Variants in ETF1 observed in about 807,000 individuals in gnomAD.
ETF1 encodes the protein eukaryotic translation termination factor 1.
In ETF1, 4 loss-of-function variants were observed where a neutral mutation model predicts 55.1. The ratio of observed to expected loss-of-function variants is 0.07; its 90% CI spans 0.04 to 0.17. ETF1 has a LOEUF of 0.17. ETF1 is among the 10% of genes least tolerant of loss of function. The pLI is 1.00. For missense variants in ETF1, 142 were observed against 523.6 expected, an observed-to-expected ratio of 0.27 and a Z score of 7.11; for synonymous variants, 157 against 182.3, an observed-to-expected ratio of 0.86 and a Z score of 1.12.
intron 4 of ETF1, among the ~76,000 whole-genome samples, chr5:138,514,439 C>T (rs1006773256): frequency 3.9e-5 from 6 of 152,172 alleles, no homozygotes. Flanking sequence ...CCTGTAGTCC[C>T]TACCAGCTAC....
chr5:138,540,818 C>T (rs968953356), intron 2 of ETF1, among the ~76,000 whole-genome samples: 2 of 152,136 alleles, frequency 1.3e-5, no homozygotes, highest in African/African-American at 4.8e-5. Context: ...GAGGTAAAGC[C>T]TTCAAAAGCC....
At chr5:138,538,917 A>G (rs1441447489) in intron 2 of ETF1, among the ~76,000 whole-genome samples, 1 of 152,242 alleles carries the variant, frequency 6.6e-6, no homozygotes, top group African/African-American at 2.4e-5. Context: ...TGAGGAATTC[A>G]GTGGGGATTC....
At position 138,508,826 on chromosome 5, in the gene ETF1, T is replaced by C; in HGVS notation, c.1084-10A>G. On this transcript the variant is annotated splice_polypyrimidine_tract_variant and intron_variant, in intron 9 of 10. Transcript: ENST00000360541. ...CATGTTCCTGTCCGGTCTACAGGGA[T>C]GACCATGAGATACAAAAATGGGGGA... 2 of 1,611,854 alleles carry C rather than the reference T, an allele frequency of 1.2e-6. No individual in the cohort carries two copies. The highest frequency in any genetic ancestry group is 1.7e-6 in the Non-Finnish European group (2 of 1,178,880).
intron 2 of ETF1, among the ~76,000 whole-genome samples, chr5:138,528,233 T>G (rs966231558): frequency 6.6e-6 from 1 of 152,170 alleles, no homozygotes; most frequent in African/African-American, 2.4e-5. Flanking sequence ...CCCCAAAGAT[T>G]TGGAACGTTT....
At position 138,543,188 on chromosome 5, in the gene ETF1, T is replaced by A. The variant is rs1766261947; in HGVS notation, c.-110A>T. 1 of 552,028 alleles carries A rather than the reference T, an allele frequency of 1.8e-6. No homozygotes were observed. Among genetic ancestry groups the A allele is most frequent in the African/African-American group, 2.0e-5 (1 of 51,256 alleles). The allele number at this position is 552,028 out of a possible 1,614,324, so 34.2% of individuals were successfully genotyped here. On this transcript the variant is annotated 5_prime_UTR_variant, in exon 1 of 11. Coordinates refer to ENST00000360541, the MANE Select transcript of ETF1 (RefSeq NM_004730.4). Reference sequence around the variant, plus strand: ...TCTGACGTAGGACACCGGCTCCCTCTCTCCAGGCAGCTGCATGTGTTGCAA... The same window carrying A: ...TCTGACGTAGGACACCGGCTCCCTCACTCCAGGCAGCTGCATGTGTTGCAA...
intron 1 of ETF1, 52 bp from the exon 2 acceptor site, chr5:138,542,988 G>A (rs2127143873): frequency 1.3e-6 from 2 of 1,540,288 alleles, no homozygotes; most frequent in Non-Finnish European, 1.8e-6. Flanking sequence ...AGTTAGCGCC[G>A]CCGCTGGGGC....
Position 138,542,638 on chromosome 5 carries a change from A to G in ETF1, c.86+195T>C, listed in dbSNP as rs568492064. 3.9e-5 allele frequency: 55 copies of G among 1,426,720 alleles called. No individual in the cohort carries two copies. In the Middle Eastern group the frequency reaches 1.3e-3, roughly 34 times the overall value. The allele number at this position is 1,426,720 out of a possible 1,614,324, so 88.4% of individuals were successfully genotyped here. A position where few individuals can be genotyped will look rare whatever the true frequency, so the allele number is the denominator to read the frequency against. ...CGGGGAGCGCGGGCCCCTTACCCCC[A>G]TGCGGGGAAAGGACCCCTTCTCGGG... On this transcript the variant is annotated intron_variant, in intron 2 of 10. Coordinates refer to ENST00000360541, the MANE Select transcript of ETF1 (RefSeq NM_004730.4).
chr5:138,514,679 C>T (rs185195515), intron 4 of ETF1, among the ~76,000 whole-genome samples: 84 of 152,120 alleles, frequency 5.5e-4, no homozygotes, highest in African/African-American at 1.9e-3. Flanking sequence ...ATCCTTCTGC[C>T]TTAGCCTCCC....
At chr5:138,520,090 T>C (rs889511763) in intron 2 of ETF1, among the ~76,000 whole-genome samples, 8 of 143,194 alleles carry the variant, frequency 5.6e-5, no homozygotes, top group African/African-American at 2.1e-4. Flanking sequence ...AGAACTAAAA[T>C]CAGAGCAGAA....
intron 9 of ETF1, 65 bp downstream of exon 9, chr5:138,510,500 G>A (rs1764730140): frequency 1.6e-6 from 2 of 1,226,256 alleles, no homozygotes; most frequent in South Asian, 1.2e-5. Flanking sequence ...CCTCTACACA[G>A]CCAGTACTCT....
intron 6 of ETF1, among the ~76,000 whole-genome samples, chr5:138,512,388 C>T (rs1764856371): frequency 6.7e-6 from 1 of 150,344 alleles, no homozygotes; most frequent in Admixed American, 6.6e-5. Context: ...TAGGCTGAAT[C>T]AGCTGTCATA....
At chr5:138,516,431 G>A (rs942040065) in intron 4 of ETF1, among the ~76,000 whole-genome samples, 6 of 152,162 alleles carry the variant, frequency 3.9e-5, no homozygotes, top group African/African-American at 1.2e-4. Flanking sequence ...GAGGCCAGGA[G>A]TTTGGGACAG....
intron 2 of ETF1, among the ~76,000 whole-genome samples, chr5:138,530,940 C>G (rs548642936): frequency 6.6e-6 from 1 of 152,292 alleles, no homozygotes; most frequent in African/African-American, 2.4e-5. Flanking sequence ...ACAGGGTCAT[C>G]TCTAGGTCTG....
intron 2 of ETF1, among the ~76,000 whole-genome samples, chr5:138,526,283 G>A (rs1765469459): frequency 6.6e-6 from 1 of 152,204 alleles, no homozygotes; most frequent in South Asian, 2.1e-4. Context: ...AGTAAGAACA[G>A]AAGCAGCACT....
intron 2 of ETF1, among the ~76,000 whole-genome samples, chr5:138,533,097 G>A (rs1405007104): frequency 6.6e-6 from 1 of 151,862 alleles, no homozygotes; most frequent in South Asian, 2.1e-4. Flanking sequence ...GGACCACCAC[G>A]CCTGGCTAAT....
intron 2 of ETF1, chr5:138,542,597 G>GC: frequency 7.2e-7 from 1 of 1,396,826 alleles, no homozygotes; most frequent in African/African-American, 1.5e-5. Context: ...CACGAGGGGG[G>GC]CCGAGTGATC....
intron 2 of ETF1, among the ~76,000 whole-genome samples, chr5:138,523,427 G>C (rs1580698638): frequency 6.7e-6 from 1 of 150,008 alleles, no homozygotes; most frequent in African/African-American, 2.5e-5. Context: ...CCAGCTACTG[G>C]GGAGGCTGAG....
intron 2 of ETF1, among the ~76,000 whole-genome samples, chr5:138,536,350 C>A (rs139422342): frequency 4.1e-4 from 62 of 152,290 alleles, no homozygotes; most frequent in African/African-American, 1.2e-3. Flanking sequence ...AATGTCAAGT[C>A]CTCTGAACCT....
chr5:138,542,547 T>C (rs957284592), intron 2 of ETF1: 45 of 1,188,890 alleles, frequency 3.8e-5, no homozygotes, highest in Non-Finnish European at 3.9e-5. Context: ...GGACCTGGAC[T>C]TAAGGGCCCG....
Sources: gnomAD v4.1 joint callset for allele counts (sites outside exome capture counted in the v4.1 genomes callset) on GRCh38, gnomAD v4.1.1 for gene constraint, MANE v1.5 for transcripts, NCBI Gene and HGNC (gene_info 2026-07-23, HGNC 2026-07-21) for gene names.